The following EMC9 variants were observed in gnomAD, a reference collection of about 807,000 sequenced individuals.
The protein encoded by EMC9 is UPF0172 protein FAM158A.
In EMC9, 20 loss-of-function variants were observed where a neutral mutation model predicts 25.0. The observed-to-expected ratio is 0.80, with a 90% CI of 0.56 to 1.16. The LOEUF is 1.16. EMC9 is among the 50% of genes most tolerant of loss of function. The probability of loss-of-function intolerance (pLI) is 0.00; values close to 1 mark genes in which losing one functional copy is unlikely to be tolerated. For synonymous variants in EMC9, 100 were observed against 107.0 expected, an observed-to-expected ratio of 0.93 and a Z score of 0.40; for missense variants, 256 against 268.7, an observed-to-expected ratio of 0.95 and a Z score of 0.33.
chr14:24,139,097 A>G lies in EMC9; in HGVS notation c.540T>C (p.Asp180=). Residue 180 remains aspartate (D), a synonymous_variant, in exon 6 of 6, where the codon GAT becomes GAC. Transcript: ENST00000216799. The surrounding 1 kb of genome is among the most constrained non-coding windows in gnomAD (Gnocchi z 4.6). ...GGTTGGTCCAGTCCTGCCGGATGTC[A>G]TCAAGGTGGCAGTCAAAGTCCACAA... ...QHLVDFDCHL[D]DIRQDWTNQR... The G allele has an allele frequency of 6.2e-7, 1 of 1,614,146 alleles. No individual in the cohort carries two copies. Among genetic ancestry groups the G allele is most frequent in the Middle Eastern group, 1.7e-4 (1 of 6,016 alleles).
At chr14:24,141,359 A>G in intron 1 of EMC9, 43 bp from the exon 2 acceptor site, 1 of 1,590,348 alleles carries the variant, frequency 6.3e-7, no homozygotes, top group Admixed American at 1.7e-5. Context: ...GGATTAGGCG[A>G]GCCGGTGCCT....
rs1304367307 is a variant in EMC9 at position 24,139,379 on chromosome 14, C to G, written c.421G>C (p.Val141Leu). The change falls in exon 5 of 6, where the codon GTC becomes CTC. Residue 141 changes from valine to leucine, a missense_variant. Coordinates refer to ENST00000216799, the MANE Select transcript of EMC9 (RefSeq NM_016049.4). The surrounding 1 kb of genome is among the most constrained non-coding windows in gnomAD (Gnocchi z 4.6). ...ACTCACAAGTTCTTATCCTTAGGGA[C>G]CCAGCGGAGACCTTGGTTCTCCAGG... ...IVLENQGLRW[V>L]PKDKNLVMWR... 2 of 1,614,102 alleles carry G rather than the reference C, an allele frequency of 1.2e-6. No homozygotes were observed. Among genetic ancestry groups the G allele is most frequent in the Admixed American group, 1.7e-5 (1 of 60,010 alleles).
In EMC9 at chr14:24,141,467, C is replaced by G; in HGVS notation, c.-42G>C. The G allele has an allele frequency of 1.3e-6, 1 of 764,422 alleles. No homozygotes were observed. The highest frequency in any genetic ancestry group is 1.7e-5 in the South Asian group (1 of 57,558). 47.4% of individuals were successfully genotyped at this position (764,422 alleles called of 1,614,324 possible). A position where few individuals can be genotyped will look rare whatever the true frequency, so the allele number is the denominator to read the frequency against. ...GTTCGGCGACAACGCTAACTCGACT[C>G]GCAGGTAGCCCGCCGGCTCCCGGCG... On this transcript the variant is annotated 5_prime_UTR_variant, in exon 1 of 6. Coordinates refer to ENST00000216799, the MANE Select transcript of EMC9 (RefSeq NM_016049.4).
At chr14:24,140,811 CACGCAT>C in intron 3 of EMC9, 72 bp downstream of exon 3, 6 of 1,485,680 alleles carry the variant, frequency 4.0e-6, no homozygotes, top group East Asian at 2.3e-5. Context: ...CCCACCGCCC[CACGCAT>C]CCTCGCCCTC....
intron 3 of EMC9, 36 bp downstream of exon 3, chr14:24,140,853 T>C (rs776855161): frequency 1.1e-5 from 16 of 1,430,422 alleles, no homozygotes; most frequent in Non-Finnish European, 1.0e-5. Flanking sequence ...CAACCCGCCA[T>C]AATCCTTTCC....
At position 24,139,351 on chromosome 14, in the gene EMC9, G is replaced by C; in HGVS notation, c.440+9C>G. The C allele has an allele frequency of 6.2e-7, 1 of 1,613,640 alleles. No individual in the cohort carries two copies. The highest frequency in any genetic ancestry group is 8.5e-7 in the Non-Finnish European group (1 of 1,179,652). On this transcript the variant is annotated intron_variant, in intron 5 of 5. Transcript: ENST00000216799. This position sits in a 1 kb window ranked among gnomAD's most constrained non-coding sequence, Gnocchi z 4.6. ...TTCTAAGAAGAGGTAGAGGGAGTGG[G>C]GTACTCACAAGTTCTTATCCTTAGG...
chr14:24,139,772 C>T lies in EMC9; in HGVS notation c.276-158G>A, dbSNP rs2038007016. On this transcript the variant is annotated intron_variant, in intron 3 of 5. Coordinates refer to ENST00000216799, the MANE Select transcript of EMC9 (RefSeq NM_016049.4). This position sits in a 1 kb window ranked among gnomAD's most constrained non-coding sequence, Gnocchi z 4.6. ...GGCCTGCTGGATGCTTGATGCACGA[C>T]TGCTTGATGCTTGAGTGCTGTGGGA... 1.3e-6 allele frequency: 2 copies of T among 1,543,070 alleles called. No homozygotes were observed. Among genetic ancestry groups the T allele is most frequent in the South Asian group, 1.2e-5 (1 of 83,150 alleles).
Position 24,139,284 on chromosome 14 carries a change from TG to T in EMC9, c.440+75del. 6.2e-7 allele frequency: 1 copy of T among 1,600,828 alleles called. No homozygotes were observed. Among genetic ancestry groups the T allele is most frequent in the Non-Finnish European group, 8.5e-7 (1 of 1,170,910 alleles). On this transcript the variant is annotated intron_variant, in intron 5 of 5. Coordinates refer to ENST00000216799, the MANE Select transcript of EMC9 (RefSeq NM_016049.4). This position sits in a 1 kb window ranked among gnomAD's most constrained non-coding sequence, Gnocchi z 4.6. ...GAGATTGGGTCTAGAGAAAGACCCT[TG>T]GGGCAGGGCCAAGGACAGAGGAGAC...
chr14:24,139,138 G>C lies in EMC9; in HGVS notation c.499C>G (p.Arg167Gly), dbSNP rs779202856. 8 of 1,614,058 alleles carry C rather than the reference G, an allele frequency of 5.0e-6. No individual in the cohort carries two copies. The highest frequency in any genetic ancestry group is 2.2e-5 in the East Asian group (1 of 44,906). ...AAGTCCACAAGGTGCTGGTGGGCCCGATCTTCCAGTAGAGCTCCCACCATC... is the reference window on the plus strand; with the variant it reads ...AAGTCCACAAGGTGCTGGTGGGCCCCATCTTCCAGTAGAGCTCCCACCATC... ...RQMVGALLEDRAHQHLVDFDC... is the reference protein window; with the variant it reads ...RQMVGALLEDGAHQHLVDFDC... The change falls in exon 6 of 6, where the codon CGG (arginine) becomes GGG (glycine). Residue 167 changes from arginine to glycine, a missense_variant. Physicochemically the swap from Arg to Gly is moderately radical, Grantham distance 125. Transcript: ENST00000216799. This position sits in a 1 kb window ranked among gnomAD's most constrained non-coding sequence, Gnocchi z 4.6.
intron 3 of EMC9, 126 bp downstream of exon 3, chr14:24,140,763 A>C: frequency 9.9e-7 from 1 of 1,005,880 alleles, no homozygotes; most frequent in South Asian, 1.5e-5. Context: ...GAAAGATAAA[A>C]GGAACGACCT....
At chr14:24,141,033 A>G in intron 2 of EMC9, 68 bp from the exon 3 acceptor site, 1 of 1,613,862 alleles carries the variant, frequency 6.2e-7, no homozygotes, top group Non-Finnish European at 8.5e-7. Flanking sequence ...CACTGCTGCC[A>G]AGGGACCGGG....
rs370949225 is a variant in EMC9, at chr14:24,141,203, C to A, written c.102G>T (p.Ala34=). Reference sequence around the variant, plus strand: ...GGCACAGGCATTCTCCAGACCGCGGCGCTGGCGCCAAAAACAGCCCGTTGA... The same window carrying A: ...GGCACAGGCATTCTCCAGACCGCGGAGCTGGCGCCAAAAACAGCCCGTTGA... ...AAVNGLFLAP[A]PRSGECLCLT... Residue 34 remains alanine, a synonymous_variant, in exon 2 of 6, where the codon GCG becomes GCT. Transcript: ENST00000216799. The A allele has an allele frequency of 3.1e-6, 5 of 1,614,142 alleles. No individual in the cohort carries two copies. Among genetic ancestry groups the A allele is most frequent in the South Asian group, 2.2e-5 (2 of 91,084 alleles).
chr14:24,141,113 G>T lies in EMC9; in HGVS notation c.192C>A (p.Leu64=). The T allele has an allele frequency of 6.2e-7, 1 of 1,614,016 alleles. No homozygotes were observed. Among genetic ancestry groups the T allele is most frequent in the Non-Finnish European group, 8.5e-7 (1 of 1,180,050 alleles). The part of the protein sequence containing the change: ...LALSVMLEVA[L]NQVDVWGAQA... Reference sequence around the variant, plus strand: ...GGGCATCCAACGGAGGCACCTGGTTGAGGGCGACCTCCAACATGACGGACA... The same window carrying T: ...GGGCATCCAACGGAGGCACCTGGTTTAGGGCGACCTCCAACATGACGGACA... The change falls in exon 2 of 6, where the codon CTC becomes CTA. Residue 64 remains leucine (L), a synonymous_variant. Transcript: ENST00000216799.
At position 24,141,106 on chromosome 14, in the gene EMC9, C is replaced by T. The variant is rs753661073; in HGVS notation, c.198+1G>A. On this transcript the variant is annotated splice_donor_variant, in intron 2 of 5. Transcript: ENST00000216799. LOFTEE classifies it high-confidence loss of function. ...GGGGGATGGGCATCCAACGGAGGCA[C>T]CTGGTTGAGGGCGACCTCCAACATG... The T allele has an allele frequency of 5.6e-6, 9 of 1,613,968 alleles. No homozygotes were observed. The highest frequency in any genetic ancestry group is 5.5e-5 in the South Asian group (5 of 91,086).
At position 24,140,897 on chromosome 14, in the gene EMC9, G is replaced by A; in HGVS notation, c.267C>T (p.Asn89=). The change falls in exon 3 of 6, where the codon AAC becomes AAT. Residue 89 remains asparagine, a synonymous_variant. Transcript: ENST00000216799. ...AGYYHANAAV[N]DQSPGPLALK... is the part of the protein sequence containing the mutation. The stretch of plus-strand genomic sequence containing the variant: ...CTGGCTACGCCACTCACCTCTGATC[G>A]TTCACAGCTGCATTGGCATGGTAGT... 3.1e-6 allele frequency: 5 copies of A among 1,613,910 alleles called. No individual in the cohort carries two copies. The highest frequency in any genetic ancestry group is 4.2e-6 in the Non-Finnish European group (5 of 1,180,024).
chr14:24,141,399 C>A, intron 1 of EMC9, 39 bp downstream of exon 1: 1 of 1,302,284 alleles, frequency 7.7e-7, no homozygotes, highest in Non-Finnish European at 1.1e-6. Context: ...CCCTCCAGCG[C>A]TTCGGCACGC....
chr14:24,141,253 C>A lies in EMC9; in HGVS notation c.52G>T (p.Ala18Ser). ...ACTGCGGCGTGTGGGTACCGGGCAGCATGCAGGCACATCTTCACGTAGGCC... is the reference window on the plus strand; with the variant it reads ...ACTGCGGCGTGTGGGTACCGGGCAGAATGCAGGCACATCTTCACGTAGGCC... The part of the protein sequence containing the change: ...ALAYVKMCLH[A>S]ARYPHAAVNG... The change falls in exon 2 of 6, where the codon GCT (alanine) becomes TCT (serine). Residue 18 changes from alanine to serine, a missense_variant. Physicochemically the swap from Ala to Ser is moderately conservative, Grantham distance 99 (BLOSUM62 1). Coordinates refer to ENST00000216799, the MANE Select transcript of EMC9 (RefSeq NM_016049.4). The A allele has an allele frequency of 6.2e-7, 1 of 1,614,154 alleles. No individual in the cohort carries two copies. The highest frequency in any genetic ancestry group is 8.5e-7 in the Non-Finnish European group (1 of 1,180,022).
At position 24,141,092 on chromosome 14, in the gene EMC9, A is replaced by T. The variant is rs551684203; in HGVS notation, c.198+15T>A. On this transcript the variant is annotated intron_variant, in intron 2 of 5. Coordinates refer to ENST00000216799, the MANE Select transcript of EMC9 (RefSeq NM_016049.4). ...GGTGGGTTCGCGGTGGGGGATGGGC[A>T]TCCAACGGAGGCACCTGGTTGAGGG... The T allele has an allele frequency of 6.2e-7, 1 of 1,614,000 alleles. No individual in the cohort carries two copies. Among genetic ancestry groups the T allele is most frequent in the Admixed American group, 1.7e-5 (1 of 60,026 alleles).
At position 24,141,223 on chromosome 14, in the gene EMC9, C is replaced by G. The variant is rs765991720; in HGVS notation, c.82G>C (p.Gly28Arg). 2 of 1,614,188 alleles carry G rather than the reference C, an allele frequency of 1.2e-6. No individual in the cohort carries two copies. Among genetic ancestry groups the G allele is most frequent in the South Asian group, 1.1e-5 (1 of 91,090 alleles). ...CGCGGCGCTGGCGCCAAAAACAGCC[C>G]GTTGACTGCGGCGTGTGGGTACCGG... ...AARYPHAAVN[G>R]LFLAPAPRSG... Residue 28 changes from glycine to arginine, a missense_variant, in exon 2 of 6, where the codon GGG (glycine) becomes CGG (arginine). Physicochemically the swap from Gly to Arg is moderately radical, Grantham distance 125. Coordinates refer to ENST00000216799, the MANE Select transcript of EMC9 (RefSeq NM_016049.4).
Sources: gnomAD v4.1 joint callset for allele counts on GRCh38, gnomAD v4.1.1 for gene constraint, Gnocchi (gnomAD v3.1) non-coding constraint, MANE v1.5 for transcripts, NCBI Gene and HGNC (gene_info 2026-07-23, HGNC 2026-07-21) for gene names.